ANK3: variants seen among roughly 807,000 people sequenced by gnomAD.
ANK3 encodes ankyrin 3, also known as ankyrin-3.
Under a neutral mutation model 370.9 loss-of-function variants are expected in ANK3, and 57 were observed. The observed-to-expected ratio is 0.15, with a 90% CI of 0.12 to 0.19. ANK3 has a LOEUF of 0.19. ANK3 is among the 10% of genes least tolerant of loss of function. The pLI is 1.00. For synonymous variants in ANK3, 1,929 were observed against 1,946.3 expected, an observed-to-expected ratio of 0.99 and a Z score of 0.23; for missense variants, 4,439 against 5,302.1, an observed-to-expected ratio of 0.84 and a Z score of 5.06.
intron 1 of ANK3, among the ~76,000 whole-genome samples, chr10:60,343,678 A>C (rs1192219412): frequency 6.6e-6 from 1 of 152,158 alleles, no homozygotes; most frequent in Non-Finnish European, 1.5e-5. Context: ...CCTTTCTCTA[A>C]AGTTTGAAAT....
At chr10:60,566,657 G>A (rs1049794985) in intron 2 of ANK3, among the ~76,000 whole-genome samples, 14 of 152,158 alleles carry the variant, frequency 9.2e-5, no homozygotes, top group Non-Finnish European at 1.5e-4. Flanking sequence ...AGGATTGCTC[G>A]AGGCCAGTAA....
intron 4 of ANK3, 56 bp downstream of exon 4, chr10:60,278,718 A>G: frequency 7.1e-7 from 1 of 1,404,086 alleles, no homozygotes; most frequent in Non-Finnish European, 1.0e-6. Context: ...CCTGACCCAA[A>G]GAACATTGTT....
intron 1 of ANK3, among the ~76,000 whole-genome samples, chr10:60,386,002 A>G (rs1204787352): frequency 6.6e-6 from 1 of 152,224 alleles, no homozygotes; most frequent in Non-Finnish European, 1.5e-5. Context: ...TCAATGTGCT[A>G]GGACTGCAGC....
chr10:60,154,311 T>C (rs1262519274), intron 23 of ANK3, among the ~76,000 whole-genome samples: 1 of 152,198 alleles, frequency 6.6e-6, no homozygotes, highest in Non-Finnish European at 1.5e-5. Context: ...TCCAGATCTA[T>C]TAAGCTAATA....
At chr10:60,613,855 C>T (rs1414430051) in intron 2 of ANK3, among the ~76,000 whole-genome samples, 1 of 152,180 alleles carries the variant, frequency 6.6e-6, no homozygotes, top group Non-Finnish European at 1.5e-5. Flanking sequence ...AGGCAGATCA[C>T]CTGAGGTCAG....
rs539968712 is a variant in ANK3, at chr10:60,142,373, T to G, written c.2615-3286A>C. 2.6e-5 allele frequency among the ~76,000 whole-genome samples: 4 copies of G among 152,294 alleles called. 1 individual carries two copies. The East Asian group carries it at 7.7e-4, about 29-fold the overall frequency. Reference sequence around the variant, plus strand: ...ATTAGGTGTCCCTCATCAGAATGTATTGCCAGTAAACACATCTGCTTAGTC... The same window carrying G: ...ATTAGGTGTCCCTCATCAGAATGTAGTGCCAGTAAACACATCTGCTTAGTC... On this transcript the variant is annotated intron_variant, in intron 23 of 43. Transcript: ENST00000280772.
At chr10:60,633,984 T>A (rs1400858550) in intron 1 of ANK3, among the ~76,000 whole-genome samples, 1 of 152,196 alleles carries the variant, frequency 6.6e-6, no homozygotes, top group African/African-American at 2.4e-5. Flanking sequence ...ACATATCTCA[T>A]GGAACTTGTG....
intron 1 of ANK3, among the ~76,000 whole-genome samples, chr10:60,288,121 C>A (rs1189798286): frequency 2.6e-5 from 4 of 152,144 alleles, no homozygotes; most frequent in Non-Finnish European, 5.9e-5. Context: ...GGCACTGTGA[C>A]TTCACCCAGG....
At chr10:60,666,451 A>T (rs1320469359) in intron 1 of ANK3, among the ~76,000 whole-genome samples, 3 of 152,214 alleles carry the variant, frequency 2.0e-5, no homozygotes, top group African/African-American at 7.2e-5. Context: ...AGCTACAGTC[A>T]TTAAGTCAGC....
chr10:60,066,559 G>C (rs1378516425), intron 38 of ANK3, among the ~76,000 whole-genome samples: 3 of 148,364 alleles, frequency 2.0e-5, no homozygotes, highest in Non-Finnish European at 4.5e-5. Context: ...GCAGAGACTA[G>C]GTTGATGAAG....
At chr10:60,544,661 A>T (rs1022569103) in intron 2 of ANK3, among the ~76,000 whole-genome samples, 1 of 152,142 alleles carries the variant, frequency 6.6e-6, no homozygotes, top group African/African-American at 2.4e-5. Flanking sequence ...AATCTAAAAC[A>T]ACACATACAG....
intron 2 of ANK3, among the ~76,000 whole-genome samples, chr10:60,556,107 C>T (rs979715068): frequency 1.3e-5 from 2 of 152,146 alleles, no homozygotes; most frequent in Admixed American, 6.5e-5. Flanking sequence ...TGACTCCAGA[C>T]ATTAAAAGAG....
intron 23 of ANK3, among the ~76,000 whole-genome samples, chr10:60,157,396 G>T (rs1314327097): frequency 6.7e-6 from 1 of 150,206 alleles, no homozygotes; most frequent in Non-Finnish European, 1.5e-5. Context: ...GTGTAGTGGT[G>T]CAATCACAGC....
At position 60,527,437 on chromosome 10, in the gene ANK3, A is replaced by G. The variant is rs918174792; in HGVS notation, c.96+87749T>C. On this transcript the variant is annotated intron_variant, in intron 2 of 43. Coordinates refer to the ANK3 transcript ENST00000373827. ...ACGAGAGAGAGAGAAGGGTTCAGAA[A>G]TACACACCCACATGAGTTCTTAATA... 2.6e-5 allele frequency among the ~76,000 whole-genome samples: 4 copies of G among 152,258 alleles called. No homozygotes were observed. In the South Asian group the frequency reaches 8.3e-4, roughly 32 times the overall value.
intron 2 of ANK3, among the ~76,000 whole-genome samples, chr10:60,518,355 T>C (rs1363678235): frequency 6.6e-6 from 1 of 152,162 alleles, no homozygotes; most frequent in Non-Finnish European, 1.5e-5. Context: ...GTTGCTGCTC[T>C]GGCCTCCTTG....
intron 1 of ANK3, among the ~76,000 whole-genome samples, chr10:60,331,467 G>A (rs567975414): frequency 1.7e-3 from 259 of 150,738 alleles, no homozygotes; most frequent in African/African-American, 5.9e-3. Flanking sequence ...GTTAACAGAC[G>A]ACTTACTTTA....
chr10:60,588,144 G>A (rs1005055115), intron 2 of ANK3, among the ~76,000 whole-genome samples: 11 of 144,944 alleles, frequency 7.6e-5, no homozygotes, highest in Non-Finnish European at 1.2e-4. Context: ...TATAAATCTG[G>A]TTGAGTTTCT....
intron 24 of ANK3, among the ~76,000 whole-genome samples, chr10:60,136,770 T>G (rs532391839): frequency 5.3e-5 from 8 of 152,290 alleles, no homozygotes; most frequent in African/African-American, 1.9e-4. Context: ...ATTAGACATA[T>G]GGAGTCAATT....
chr10:60,466,333 G>T (rs1351285222), intron 2 of ANK3, among the ~76,000 whole-genome samples: 1 of 152,126 alleles, frequency 6.6e-6, no homozygotes, highest in Non-Finnish European at 1.5e-5. Flanking sequence ...ACAAGGAAAA[G>T]AAAGAGACAT....
Sources: allele counts gnomAD v4.1 joint callset (sites outside exome capture counted in the v4.1 genomes callset), GRCh38; gene constraint gnomAD v4.1.1; transcripts MANE v1.5; gene names NCBI Gene and HGNC (gene_info 2026-07-23, HGNC 2026-07-21).